The following SPAG16 variants were observed in gnomAD, a reference collection of about 807,000 sequenced individuals.
SPAG16 encodes sperm associated antigen 16.
A neutral mutation model predicts 80.4 loss-of-function variants in SPAG16; 86 were observed. The observed-to-expected ratio is 1.07, with a 90% CI of 0.90 to 1.28. The LOEUF (loss-of-function observed/expected upper bound fraction) is 1.28, where lower values mean the gene tolerates loss of function less well. SPAG16 is among the 50% of genes most tolerant of loss of function. The probability of loss-of-function intolerance (pLI) is 0.00; values close to 1 mark genes in which losing one functional copy is unlikely to be tolerated. For missense variants in SPAG16, 870 were observed against 765.3 expected (o/e 1.14, Z -1.61); for synonymous variants, 294 against 265.9 (o/e 1.11, Z -1.03).
intron 12 of SPAG16, among the ~76,000 whole-genome samples, chr2:213,987,367 T>G (rs372444103): frequency 6.6e-6 from 1 of 152,238 alleles, no homozygotes; most frequent in East Asian, 1.9e-4. Context: ...ACAGTCTGAA[T>G]TTTGGATCTA....
In SPAG16 at chr2:214,140,977, G is replaced by T. The variant is rs150115071; in HGVS notation, c.1594-8163G>T. ...GGTGGGGGGATGTGACAGAGAGAGAGATATATATTTCTGTATTGGTATTGC... is the reference window on the plus strand; with the variant it reads ...GGTGGGGGGATGTGACAGAGAGAGATATATATATTTCTGTATTGGTATTGC... On this transcript the variant is annotated intron_variant, in intron 14 of 15. Transcript: ENST00000331683. Among the ~76,000 whole-genome samples, 1,224 of 147,280 alleles carry T rather than the reference G, an allele frequency of 8.3e-3. 24 individuals carry two copies. The highest frequency in any genetic ancestry group is 0.027 in the African/African-American group (1,086 of 39,776).
In SPAG16 at chr2:213,490,009, T is replaced by C. The variant is rs2074170770; in HGVS notation, c.989T>C (p.Val330Ala). The C allele has an allele frequency of 6.2e-7, 1 of 1,610,410 alleles. No individual in the cohort carries two copies. The highest frequency in any genetic ancestry group is 1.3e-5 in the African/African-American group (1 of 74,782). Residue 330 changes from valine to alanine, a missense_variant, in exon 10 of 16, where the codon GTT becomes GCT. Coordinates refer to ENST00000331683, the MANE Select transcript of SPAG16 (RefSeq NM_024532.5). Reference protein sequence around the residue: ...IDMQPNPNLNVSKESLSPAKF... With the variant: ...IDMQPNPNLNASKESLSPAKF... ...ATGCAACCAAATCCAAACCTGAATG[T>C]TTCTAAAGAAAGTCTTTCTCCAGCA...
At chr2:213,997,766 A>G (rs1002744779) in intron 12 of SPAG16, among the ~76,000 whole-genome samples, 1 of 152,168 alleles carries the variant, frequency 6.6e-6, no homozygotes, top group Non-Finnish European at 1.5e-5. Flanking sequence ...CAGTCTCATA[A>G]TGTTTTAAAA....
chr2:213,733,136 A>G (rs1429918811), intron 10 of SPAG16, among the ~76,000 whole-genome samples: 1 of 151,738 alleles, frequency 6.6e-6, no homozygotes, highest in Non-Finnish European at 1.5e-5. Flanking sequence ...ACTGATGTTG[A>G]GCTGTTTTTC....
At chr2:213,556,221 C>T (rs796557393) in intron 10 of SPAG16, among the ~76,000 whole-genome samples, 3 of 150,166 alleles carry the variant, frequency 2.0e-5, no homozygotes, top group African/African-American at 7.3e-5. Flanking sequence ...AGTAGTAAGT[C>T]CTTACATATT....
chr2:213,799,395 C>CA (rs1179422829), intron 10 of SPAG16, among the ~76,000 whole-genome samples: 1 of 151,890 alleles, frequency 6.6e-6, no homozygotes, highest in African/African-American at 2.4e-5. Context: ...TATAAAAATG[C>CA]AATTTATTTT....
intron 9 of SPAG16, among the ~76,000 whole-genome samples, chr2:213,392,647 A>G (rs1253097360): frequency 6.6e-6 from 1 of 152,070 alleles, no homozygotes; most frequent in Non-Finnish European, 1.5e-5. Context: ...GAGTTCAAGA[A>G]TAGCCTGGCC....
chr2:213,996,116 C>A (rs543225418), intron 12 of SPAG16, among the ~76,000 whole-genome samples: 6 of 152,262 alleles, frequency 3.9e-5, no homozygotes, highest in Admixed American at 3.3e-4. Flanking sequence ...AATTACAAAG[C>A]CTGTTTCCCT....
chr2:214,247,256 C>CAAAAGAAT (rs1689913425), intron 15 of SPAG16, among the ~76,000 whole-genome samples: 1 of 151,112 alleles, frequency 6.6e-6, no homozygotes, highest in African/African-American at 2.4e-5. Context: ...TGAATATAAC[C>CAAAAGAAT]AAAAGAATAT....
chr2:214,180,222 T>A (rs1426055031), intron 15 of SPAG16, among the ~76,000 whole-genome samples: 1 of 151,664 alleles, frequency 6.6e-6, no homozygotes, highest in African/African-American at 2.4e-5. Context: ...CTTGAGTTTA[T>A]ATGTTTTATA....
chr2:214,112,468 G>A (rs1442781673), intron 14 of SPAG16, among the ~76,000 whole-genome samples: 1 of 152,072 alleles, frequency 6.6e-6, no homozygotes, highest in African/African-American at 2.4e-5. Context: ...GGGTCTCAAA[G>A]GACTTGCTTT....
intron 11 of SPAG16, among the ~76,000 whole-genome samples, chr2:213,880,030 T>A (rs1032432891): frequency 6.6e-6 from 1 of 152,202 alleles, no homozygotes; most frequent in African/African-American, 2.4e-5. Flanking sequence ...AAATGGTAGC[T>A]CTGTTTTAAG....
chr2:213,667,283 A>C lies in SPAG16; in HGVS notation c.1070+177193A>C, dbSNP rs539525436. Among the ~76,000 whole-genome samples the C allele has an allele frequency of 5.3e-5, 8 of 152,342 alleles. No homozygotes were observed. In the East Asian group the frequency reaches 1.5e-3, roughly 29 times the overall value. ...GTAATATAAAATAGATCACTAGGAA[A>C]TTCAGGAGGGGAAATTTTTGAAGCA... On this transcript the variant is annotated intron_variant, in intron 10 of 15. Coordinates refer to ENST00000331683, the MANE Select transcript of SPAG16 (RefSeq NM_024532.5).
intron 9 of SPAG16, among the ~76,000 whole-genome samples, chr2:213,405,030 G>T (rs2068538314): frequency 6.6e-6 from 1 of 152,136 alleles, no homozygotes. Context: ...ATGGTTGCTA[G>T]CTCCTATACA....
chr2:213,611,867 C>A (rs913024104), intron 10 of SPAG16, among the ~76,000 whole-genome samples: 1 of 152,092 alleles, frequency 6.6e-6, no homozygotes, highest in African/African-American at 2.4e-5. Flanking sequence ...AAATTAATAG[C>A]CATTTTCCCT....
chr2:214,117,509 C>T (rs1384377426), intron 14 of SPAG16, among the ~76,000 whole-genome samples: 1 of 152,106 alleles, frequency 6.6e-6, no homozygotes, highest in East Asian at 1.9e-4. Flanking sequence ...ATGAGAACAG[C>T]ACTACCCTGA....
chr2:214,233,607 T>C (rs1257843116), intron 15 of SPAG16, among the ~76,000 whole-genome samples: 1 of 152,056 alleles, frequency 6.6e-6, no homozygotes, highest in Non-Finnish European at 1.5e-5. Flanking sequence ...CTTTGACACA[T>C]TCTGTGTATA....
intron 14 of SPAG16, among the ~76,000 whole-genome samples, chr2:214,114,450 G>A (rs1292507314): frequency 1.3e-5 from 2 of 152,168 alleles, no homozygotes; most frequent in Non-Finnish European, 1.5e-5. Flanking sequence ...TGAGTCTATA[G>A]AGGCAGTAGG....
intron 6 of SPAG16, among the ~76,000 whole-genome samples, chr2:213,345,198 A>G (rs1192444569): frequency 2.0e-5 from 3 of 148,312 alleles, no homozygotes; most frequent in South Asian, 2.1e-4. Flanking sequence ...GTGTCTGTTC[A>G]TATCCTTCGC....
Sources: gnomAD v4.1 joint callset for allele counts (sites outside exome capture counted in the v4.1 genomes callset) on GRCh38, gnomAD v4.1.1 for gene constraint, MANE v1.5 for transcripts, NCBI Gene and HGNC (gene_info 2026-07-23, HGNC 2026-07-21) for gene names.